CDH12: variants seen among roughly 807,000 people sequenced by gnomAD.
CDH12 encodes the protein cadherin 12, also known as cadherin-12.
CDH12 carries 41 observed loss-of-function variants against 74.1 expected under a neutral mutation model. The ratio of observed to expected loss-of-function variants is 0.55; its 90% CI spans 0.43 to 0.72. The LOEUF (loss-of-function observed/expected upper bound fraction) is 0.72. Ranked by LOEUF, CDH12 falls within the 30% of genes least tolerant of loss-of-function variation. The probability of loss-of-function intolerance (pLI) is 0.00; values close to 1 mark genes in which losing one functional copy is unlikely to be tolerated. For missense variants in CDH12, 945 were observed against 977.2 expected, an observed-to-expected ratio of 0.97 and a Z score of 0.44; for synonymous variants, 399 against 355.0, an observed-to-expected ratio of 1.12 and a Z score of -1.39.
chr5:22,450,264 TC>T (rs1247747780), intron 2 of CDH12, among the ~76,000 whole-genome samples: 5 of 151,964 alleles, frequency 3.3e-5, no homozygotes, highest in Non-Finnish European at 5.9e-5. Context: ...TGTAGCATGT[TC>T]TTGCCATACA....
At chr5:22,820,528 T>TG (rs1487355529) in intron 1 of CDH12, among the ~76,000 whole-genome samples, 1 of 151,708 alleles carries the variant, frequency 6.6e-6, no homozygotes, top group Non-Finnish European at 1.5e-5. Flanking sequence ...ATCAAATAGA[T>TG]GCAATAAAAA....
chr5:22,073,710 A>G (rs1342692441), intron 5 of CDH12, among the ~76,000 whole-genome samples: 1 of 152,134 alleles, frequency 6.6e-6, no homozygotes, highest in Non-Finnish European at 1.5e-5. Context: ...TTTTTGTTCA[A>G]GTAATAGCAC....
chr5:22,469,908 A>G (rs1186837380), intron 2 of CDH12, among the ~76,000 whole-genome samples: 5 of 152,186 alleles, frequency 3.3e-5, no homozygotes, highest in Non-Finnish European at 7.4e-5. Flanking sequence ...CTTCAGGATA[A>G]TTCCTCAAAG....
intron 1 of CDH12, among the ~76,000 whole-genome samples, chr5:22,505,993 T>A (rs946791643): frequency 2.0e-5 from 3 of 152,104 alleles, no homozygotes. Context: ...TACTTATTAC[T>A]GTTGAGACAG....
At chr5:22,541,392 A>T (rs1028956440) in intron 1 of CDH12, among the ~76,000 whole-genome samples, 2 of 152,180 alleles carry the variant, frequency 1.3e-5, no homozygotes, top group African/African-American at 4.8e-5. Flanking sequence ...CCTAAAATAG[A>T]CACCATTTTA....
chr5:21,913,122 C>CATGA (rs1448587504), intron 6 of CDH12, among the ~76,000 whole-genome samples: 1 of 152,138 alleles, frequency 6.6e-6, no homozygotes, highest in African/African-American at 2.4e-5. Flanking sequence ...GGATTACAGA[C>CATGA]ATGAGCCACC....
intron 4 of CDH12, among the ~76,000 whole-genome samples, chr5:22,150,795 G>GA (rs1048536482): frequency 1.3e-5 from 2 of 152,044 alleles, no homozygotes; most frequent in African/African-American, 4.8e-5. Context: ...ACCTTTGTTA[G>GA]AAAAAAAGAT....
At chr5:22,058,563 G>GT (rs1042918639) in intron 5 of CDH12, among the ~76,000 whole-genome samples, 71 of 150,090 alleles carry the variant, frequency 4.7e-4, no homozygotes, top group Non-Finnish European at 7.4e-4. Context: ...ATTACCGCGG[G>GT]TTTTTTTTTA....
At chr5:21,943,070 C>T (rs1448310440) in intron 6 of CDH12, among the ~76,000 whole-genome samples, 1 of 152,062 alleles carries the variant, frequency 6.6e-6, no homozygotes, top group Non-Finnish European at 1.5e-5. Flanking sequence ...GACAGTGCCT[C>T]CTTCACATGC....
chr5:21,755,686 G>T lies in CDH12; in HGVS notation c.1790C>A (p.Thr597Asn). 6.2e-7 allele frequency: 1 copy of T among 1,614,060 alleles called. No individual in the cohort carries two copies. Among genetic ancestry groups the T allele is most frequent in the Non-Finnish European group, 8.5e-7 (1 of 1,179,986 alleles). The change falls in exon 14 of 15, where the codon ACC becomes AAC. Residue 597 changes from threonine (T) to asparagine (N), a missense_variant. Around this residue, in one of 3 missense-constraint regions of CDH12, gnomAD observed 791 missense variants for 792.8 expected, o/e 1.00. Coordinates refer to ENST00000382254, the MANE Select transcript of CDH12 (RefSeq NM_004061.5). ...IRVCRCDSDG[T>N]ILSCNVEAIF... Reference sequence around the variant, plus strand: ...TGCTTCCACATTACAAGACAGGATGGTGCCATCAGAGTCACATCTACAGAC... The same window carrying T: ...TGCTTCCACATTACAAGACAGGATGTTGCCATCAGAGTCACATCTACAGAC...
chr5:22,122,653 T>G (rs559845757), intron 4 of CDH12, among the ~76,000 whole-genome samples: 27 of 152,228 alleles, frequency 1.8e-4, no homozygotes, highest in Non-Finnish European at 3.5e-4. Context: ...ATGCTGGATG[T>G]TTTTGTGAGG....
intron 11 of CDH12, among the ~76,000 whole-genome samples, chr5:21,777,609 G>A (rs1023156327): frequency 6.6e-6 from 1 of 150,506 alleles, no homozygotes; most frequent in South Asian, 2.1e-4. Flanking sequence ...TGCAACCTCC[G>A]CCTCCCGAGT....
In CDH12 at chr5:21,882,904, CA is replaced by C. The variant is rs913941115; in HGVS notation, c.527-28115del. The C allele has an allele frequency of 6.9e-6, 11 of 1,604,112 alleles. No individual in the cohort carries two copies. The African/African-American group carries it at 1.3e-4, about 20-fold the overall frequency. On this transcript the variant is annotated intron_variant, in intron 6 of 14. Transcript: ENST00000382254. ...CTTGTTCAAGATGTTGCCAATAACA[CA>C]AATGAAGAATCTGGGGATGGCACTA...
chr5:22,318,646 C>T (rs936602005), intron 3 of CDH12, among the ~76,000 whole-genome samples: 8 of 152,304 alleles, frequency 5.3e-5, no homozygotes, highest in South Asian at 4.1e-4. Context: ...CTTCTCAGCC[C>T]TCAGGCACTA....
chr5:22,242,597 C>A (rs1190891299), intron 3 of CDH12, among the ~76,000 whole-genome samples: 2 of 152,118 alleles, frequency 1.3e-5, no homozygotes, highest in Admixed American at 6.5e-5. Flanking sequence ...ACTCCTTTCC[C>A]AGCTGGCTTT....
intron 3 of CDH12, among the ~76,000 whole-genome samples, chr5:22,266,937 C>T (rs1424381807): frequency 6.6e-6 from 1 of 152,064 alleles, no homozygotes; most frequent in Non-Finnish European, 1.5e-5. Context: ...GTTTCTGATA[C>T]ACACAGAGTA....
intron 1 of CDH12, among the ~76,000 whole-genome samples, chr5:22,739,316 AC>A (rs986882147): frequency 1.3e-5 from 1 of 75,116 alleles, no homozygotes; most frequent in African/African-American, 4.2e-5. Flanking sequence ...TAAAAATTTT[AC>A]TTTTTTTTAC....
chr5:21,980,190 T>C (rs1757250042), intron 5 of CDH12, among the ~76,000 whole-genome samples: 1 of 151,576 alleles, frequency 6.6e-6, no homozygotes, highest in African/African-American at 2.4e-5. Context: ...GGCATATATA[T>C]ATATATATGC....
chr5:22,304,473 C>T (rs1043585757), intron 3 of CDH12, among the ~76,000 whole-genome samples: 3 of 152,114 alleles, frequency 2.0e-5, no homozygotes, highest in Admixed American at 6.6e-5. Flanking sequence ...TGGCACAAAT[C>T]CAATCTATTA....
Sources: allele counts gnomAD v4.1 joint callset (sites outside exome capture counted in the v4.1 genomes callset), GRCh38; gene constraint gnomAD v4.1.1; regional missense constraint gnomAD v4.1.1; transcripts MANE v1.5; gene names NCBI Gene and HGNC (gene_info 2026-07-23, HGNC 2026-07-21).